The following SH2B1 variants were observed in gnomAD, a reference collection of about 807,000 sequenced individuals.
SH2B1 encodes SH2B adapter protein 1.
In SH2B1, 15 loss-of-function variants were observed where a neutral mutation model predicts 62.6. The observed-to-expected ratio is 0.24, with a 90% confidence interval of 0.16 to 0.37. The LOEUF is 0.37. Among genes scored for constraint, SH2B1 ranks in the 10% least tolerant of loss-of-function variants. SH2B1 has a pLI of 1.00. For missense variants in SH2B1, 925 were observed against 1,015.6 expected, an observed-to-expected ratio of 0.91 and a Z score of 1.21; for synonymous variants, 443 against 438.0, an observed-to-expected ratio of 1.01 and a Z score of -0.14.
rs566140640 is a variant in SH2B1, at chr16:28,867,098, C to G, written c.939+65C>G. On this transcript the variant is annotated intron_variant, in intron 1 of 7. Coordinates refer to ENST00000684370, the MANE Select transcript of SH2B1 (RefSeq NM_001387430.1). ...GAGAGTGCTCAGAGTGGTCACAGCCCTGCAGATAAGCTCTGGGGTTTACCA... is the reference window on the plus strand; with the variant it reads ...GAGAGTGCTCAGAGTGGTCACAGCCGTGCAGATAAGCTCTGGGGTTTACCA... 166 of 1,590,756 alleles carry G rather than the reference C, an allele frequency of 1.0e-4. 2 individuals carry two copies. In the East Asian group the frequency reaches 3.5e-3, roughly 34 times the overall value.
Position 28,867,042 on chromosome 16 carries a change from C to A in SH2B1, c.939+9C>A. The A allele has an allele frequency of 6.3e-7, 1 of 1,598,610 alleles. No homozygotes were observed. Among genetic ancestry groups the A allele is most frequent in the Non-Finnish European group, 8.5e-7 (1 of 1,179,896 alleles). Reference sequence around the variant, plus strand: ...TCTTTGTACCACCCAAGGTGAGGCCCCTTGGAGGGTGGGTGACTGAGAGCA... The same window carrying A: ...TCTTTGTACCACCCAAGGTGAGGCCACTTGGAGGGTGGGTGACTGAGAGCA... On this transcript the variant is annotated intron_variant, in intron 1 of 7. Coordinates refer to ENST00000684370, the MANE Select transcript of SH2B1 (RefSeq NM_001387430.1).
At position 28,866,301 on chromosome 16, in the gene SH2B1, T is replaced by C. The variant is rs146716820; in HGVS notation, c.207T>C (p.Ala69=). The change falls in exon 1 of 8, where the codon GCT becomes GCC. Residue 69 remains alanine (A), a synonymous_variant. Coordinates refer to ENST00000684370, the MANE Select transcript of SH2B1 (RefSeq NM_001387430.1). This position sits in a 1 kb window ranked among gnomAD's most constrained non-coding sequence, Gnocchi z 6.3. ...AGGCTGCCTTCTCCCGCCGTTTTGC[T>C]GAGCTCTTCCTGCAGCACTTTGAAG... ...GAEAAFSRRF[A]ELFLQHFEAE... 3.6e-4 allele frequency: 579 copies of C among 1,611,028 alleles called. No homozygotes were observed. The highest frequency in any genetic ancestry group is 4.3e-4 in the Non-Finnish European group (512 of 1,179,286).
At chr16:28,852,303 CATATATATATTTACAT>C (rs1962129119) in intron 1 of SH2B1, among the ~76,000 whole-genome samples, 4 of 53,018 alleles carry the variant, frequency 7.5e-5, no homozygotes, top group East Asian at 5.7e-4. Flanking sequence ...TATATATTTA[CATATATATATTTACAT>C]ATATATATTT....
chr16:28,852,467 T>C (rs187448837), intron 1 of SH2B1, among the ~76,000 whole-genome samples: 457 of 42,660 alleles, frequency 0.011, 160 homozygotes, highest in East Asian at 0.079. Flanking sequence ...TATTTATATA[T>C]ATACATATAT....
At position 28,852,573 on chromosome 16, in the gene SH2B1, T is replaced by TATATTTATATATATACAC. The variant is rs1962164611; in HGVS notation, c.-301+5750_-301+5751insTTATATATATACACATAT. Among the ~76,000 whole-genome samples, 2 of 57,688 alleles carry TATATTTATATATATACAC rather than the reference T, an allele frequency of 3.5e-5. 1 individual carries two copies. The highest frequency in any genetic ancestry group is 1.8e-4 in the African/African-American group (2 of 11,350). 37.8% of individuals were successfully genotyped at this position (57,688 alleles called of 152,430 possible). A position where few individuals can be genotyped will look rare whatever the true frequency, so the allele number is the denominator to read the frequency against. The stretch of plus-strand genomic sequence containing the variant: ...ATACACATATTTATATATATACACA[T>TATATTTATATATATACAC]ATATATTTATATATATACACATATA... On this transcript the variant is annotated intron_variant, in intron 1 of 10. Coordinates refer to the SH2B1 transcript ENST00000322610.
In SH2B1 at chr16:28,866,211, G is replaced by A; in HGVS notation, c.117G>A (p.Leu39=). 6 of 1,605,728 alleles carry A rather than the reference G, an allele frequency of 3.7e-6. No individual in the cohort carries two copies. The highest frequency in any genetic ancestry group is 4.2e-6 in the Non-Finnish European group (5 of 1,177,674). Residue 39 remains leucine (L), a synonymous_variant, in exon 1 of 8, where the codon CTG becomes CTA. Coordinates refer to ENST00000684370, the MANE Select transcript of SH2B1 (RefSeq NM_001387430.1). The surrounding 1 kb of genome is among the most constrained non-coding windows in gnomAD (Gnocchi z 6.3). ...FCESHARAAA[L]DFARRFRLYL... ...AGTCCCACGCCCGGGCTGCGGCTCT[G>A]GACTTTGCCCGCCGTTTTCGCCTCT...
chr16:28,867,519 G>T, intron 2 of SH2B1, 87 bp downstream of exon 2: 1 of 968,548 alleles, frequency 1.0e-6, no homozygotes, highest in Non-Finnish European at 1.7e-6. Context: ...TCGCCGAAAG[G>T]AGGTATATAT....
chr16:28,869,092 C>T lies in SH2B1; in HGVS notation c.1128C>T (p.Ser376=). ...AWVSDIQECL[S]PGPCPATSPR... ...TGTCTGACATCCAAGAATGCCTGAGCCCAGGGTGAGAAGCCTGACTTCTGT... is the reference window on the plus strand; with the variant it reads ...TGTCTGACATCCAAGAATGCCTGAGTCCAGGGTGAGAAGCCTGACTTCTGT... The change falls in exon 3 of 8, where the codon AGC becomes AGT. Residue 376 remains serine (S), a synonymous_variant. Coordinates refer to ENST00000684370, the MANE Select transcript of SH2B1 (RefSeq NM_001387430.1). 6.2e-7 allele frequency: 1 copy of T among 1,614,004 alleles called. No homozygotes were observed. Among genetic ancestry groups the T allele is most frequent in the Non-Finnish European group, 8.5e-7 (1 of 1,179,904 alleles).
In SH2B1 at chr16:28,857,716, CCACT is replaced by C. The variant is rs771787894; in HGVS notation, c.-300-3901_-300-3898del. Among the ~76,000 whole-genome samples, 46 of 150,960 alleles carry C rather than the reference CCACT, an allele frequency of 3.0e-4. 1 individual carries two copies. The East Asian group carries it at 8.3e-3, about 27-fold the overall frequency. ...TCAATGCATTTGCTGACCAGAACAC[CCACT>C]GAGTTTCAGTGTCCGGAGTTCTTTT... is the stretch of plus-strand genomic sequence containing the variant. On this transcript the variant is annotated intron_variant, in intron 1 of 10. Coordinates refer to the SH2B1 transcript ENST00000322610.
rs938499135 is a variant in SH2B1 at position 28,873,402 on chromosome 16, C to T, written c.1898-45C>T. 7 of 1,579,108 alleles carry T rather than the reference C, an allele frequency of 4.4e-6. No homozygotes were observed. The highest frequency in any genetic ancestry group is 5.1e-6 in the Non-Finnish European group (6 of 1,172,784). On this transcript the variant is annotated intron_variant, in intron 7 of 7. Transcript: ENST00000684370. This position sits in a 1 kb window ranked among gnomAD's most constrained non-coding sequence, Gnocchi z 4.2. ...TGAAGGGGAGGCCACGGCAGGAGCT[C>T]ACCTGCCTCCACAATCAGTCTGTTT... is the stretch of plus-strand genomic sequence containing the variant.
rs1190266696 is a variant in SH2B1 at position 28,852,598 on chromosome 16, ATATT to A, written c.-301+5775_-301+5778del. Among the ~76,000 whole-genome samples, 2 of 78,918 alleles carry A rather than the reference ATATT, an allele frequency of 2.5e-5. 1 individual carries two copies. 51.8% of individuals were successfully genotyped at this position (78,918 alleles called of 152,430 possible). A position where few individuals can be genotyped will look rare whatever the true frequency, so the allele number is the denominator to read the frequency against. On this transcript the variant is annotated intron_variant, in intron 1 of 10. Transcript: ENST00000322610. ...TATATATTTATATATATACACATAT[ATATT>A]TATATATATACACATATATATTTAT... is the stretch of plus-strand genomic sequence containing the variant.
Position 28,852,195 on chromosome 16 carries a change from TTTATATATTTACATATATATATTTAC to T in SH2B1, c.-301+5369_-301+5394del, listed in dbSNP as rs1567457970. Among the ~76,000 whole-genome samples the T allele has an allele frequency of 2.7e-4, 34 of 126,126 alleles. 1 individual carries two copies. Among genetic ancestry groups the T allele is most frequent in the African/African-American group, 7.2e-4 (22 of 30,386 alleles). The allele number at this position is 126,126 out of a possible 152,430, so 82.7% of individuals were successfully genotyped here. Reference sequence around the variant, plus strand: ...GTATCCAAAAATATATATATTTTTATTTATATATTTACATATATATATTTACATATATATTTACATATATATATTTA... The same window carrying T: ...GTATCCAAAAATATATATATTTTTATATATATATTTACATATATATATTTA... On this transcript the variant is annotated intron_variant, in intron 1 of 10. Coordinates refer to the SH2B1 transcript ENST00000322610.
intron 1 of SH2B1, among the ~76,000 whole-genome samples, chr16:28,852,048 CAG>C (rs1491103648): frequency 6.8e-6 from 1 of 147,086 alleles, no homozygotes; most frequent in African/African-American, 2.5e-5. Flanking sequence ...ACCTGGGCGA[CAG>C]AGTGAGACTC....
intron 1 of SH2B1, among the ~76,000 whole-genome samples, chr16:28,852,383 T>TATA: frequency 1.3e-5 from 1 of 79,476 alleles, no homozygotes; most frequent in African/African-American, 5.6e-5. Context: ...TTTACATATA[T>TATA]TTATATATAT....
chr16:28,871,729 C>G (rs1160258553), intron 4 of SH2B1, 51 bp from the exon 5 acceptor site: 14 of 1,479,154 alleles, frequency 9.5e-6, no homozygotes, highest in Non-Finnish European at 1.3e-5. Flanking sequence ...CAGGACAGTC[C>G]TTTAGAAGAG....
chr16:28,863,724 G>A (rs956710629), upstream of SH2B1: 4 of 1,535,754 alleles, frequency 2.6e-6, no homozygotes, highest in Admixed American at 7.8e-5. Context: ...TCGGTCTCCT[G>A]GGGTCGGCGC....
intron 1 of SH2B1, among the ~76,000 whole-genome samples, chr16:28,854,243 A>G (rs563780650): frequency 2.6e-4 from 39 of 152,016 alleles, no homozygotes; most frequent in African/African-American, 8.4e-4. Flanking sequence ...CGAGGCTGCA[A>G]TGAGCCGTGA....
rs1165302034 is a variant in SH2B1 at position 28,865,465 on chromosome 16, C to T, written c.-630C>T. ...ATCCCAGCTCCTCTCTAGCCCCCTGCGAGCTGGGGCGGTGAGGTGCTATGG... is the reference window on the plus strand; with the variant it reads ...ATCCCAGCTCCTCTCTAGCCCCCTGTGAGCTGGGGCGGTGAGGTGCTATGG... On this transcript the variant is annotated 5_prime_UTR_variant, in exon 1 of 8. Transcript: ENST00000684370. 1.1e-5 allele frequency: 11 copies of T among 985,466 alleles called. No homozygotes were observed. In the South Asian group the frequency reaches 1.4e-4, roughly 13 times the overall value. The allele number at this position is 985,466 out of a possible 1,614,324, so 61.0% of individuals were successfully genotyped here.
chr16:28,866,121 C>T lies in SH2B1; in HGVS notation c.27C>T (p.Asp9=), dbSNP rs772157677. The T allele has an allele frequency of 1.9e-6, 3 of 1,584,882 alleles. No homozygotes were observed. Among genetic ancestry groups the T allele is most frequent in the Non-Finnish European group, 1.7e-6 (2 of 1,167,898 alleles). Residue 9 remains aspartate, a synonymous_variant, in exon 1 of 8, where the codon GAC becomes GAT. Coordinates refer to ENST00000684370, the MANE Select transcript of SH2B1 (RefSeq NM_001387430.1). The surrounding 1 kb of genome is among the most constrained non-coding windows in gnomAD (Gnocchi z 6.3). MNGAPSPE[D]GASPSSPPLP... Reference sequence around the variant, plus strand: ...TGAATGGTGCCCCTTCCCCAGAGGACGGGGCCTCCCCCTCGTCTCCCCCGC... The same window carrying T: ...TGAATGGTGCCCCTTCCCCAGAGGATGGGGCCTCCCCCTCGTCTCCCCCGC...
Sources: allele counts gnomAD v4.1 joint callset (sites outside exome capture counted in the v4.1 genomes callset), GRCh38; gene constraint gnomAD v4.1.1; non-coding constraint Gnocchi (gnomAD v3.1); transcripts MANE v1.5; gene names NCBI Gene and HGNC (gene_info 2026-07-23, HGNC 2026-07-21).